The following PCDHGA1 variants were observed in gnomAD, a reference collection of about 807,000 sequenced individuals.
PCDHGA1 encodes the protein protocadherin gamma-A1.
In PCDHGA1, 32 loss-of-function variants were observed where a neutral mutation model predicts 58.0. The ratio of observed to expected loss-of-function variants is 0.55; its 90% confidence interval spans 0.42 to 0.74. PCDHGA1 has a LOEUF of 0.74. Among genes scored for constraint, PCDHGA1 ranks in the 30% least tolerant of loss-of-function variants. The pLI is 0.00. For synonymous variants in PCDHGA1, 498 were observed against 501.1 expected, an observed-to-expected ratio of 0.99 and a Z score of 0.08; for missense variants, 1,205 against 1,182.3, an observed-to-expected ratio of 1.02 and a Z score of -0.28.
rs117064561 is a variant in PCDHGA1, at chr5:141,470,737, G to T, written c.2422-24070G>T. Among the ~76,000 whole-genome samples the T allele has an allele frequency of 1.9e-3, 295 of 152,132 alleles. 7 individuals carry two copies. In the East Asian group the frequency reaches 0.046, roughly 24 times the overall value. On this transcript the variant is annotated intron_variant, in intron 1 of 3. Coordinates refer to ENST00000517417, the MANE Select transcript of PCDHGA1 (RefSeq NM_018912.3). ...TTTTGAGTCAGGGTCTTGCTCTGTC[G>T]CCCTGGCTGGAGTGCAGTGGACTCA...
chr5:141,477,678 C>A lies in PCDHGA1; in HGVS notation c.2422-17129C>A, dbSNP rs967769574. 1 of 1,614,182 alleles carries A rather than the reference C, an allele frequency of 6.2e-7. No individual in the cohort carries two copies. The highest frequency in any genetic ancestry group is 1.3e-5 in the African/African-American group (1 of 75,054). ...AATCGTGACAATGGCATAGTGTCAT[C>A]CTTAGTGCCCCTAGACTATGAGGAT... is the stretch of plus-strand genomic sequence containing the variant. On this transcript the variant is annotated intron_variant, in intron 1 of 3. Transcript: ENST00000517417. The surrounding 1 kb of genome is among the most constrained non-coding windows in gnomAD (Gnocchi z 4.9).
At chr5:141,373,933 A>G (rs1769964265) in intron 1 of PCDHGA1, 3 of 692,378 alleles carry the variant, frequency 4.3e-6, no homozygotes, top group South Asian at 3.7e-5. Context: ...ACGGGAAAGC[A>G]GGAAAGCTGT....
intron 1 of PCDHGA1, chr5:141,351,048 C>A: frequency 6.2e-7 from 1 of 1,614,036 alleles, no homozygotes; most frequent in Non-Finnish European, 8.5e-7. Flanking sequence ...CGGGTGATGG[C>A]CACAGACCAG....
At chr5:141,495,013 T>C (rs2099758300) in intron 2 of PCDHGA1, 148 bp downstream of exon 2, 12 of 1,511,014 alleles carry the variant, frequency 7.9e-6, no homozygotes, top group Non-Finnish European at 1.1e-5. Context: ...TGCGGGGGGC[T>C]GGCACACAGA....
chr5:141,340,062 C>A, intron 1 of PCDHGA1: 1 of 1,614,090 alleles, frequency 6.2e-7, no homozygotes, highest in Non-Finnish European at 8.5e-7. Context: ...CTTCCAGGAA[C>A]CATAATTGGG....
At position 141,432,032 on chromosome 5, in the gene PCDHGA1, A is replaced by G; in HGVS notation, c.2422-62775A>G. On this transcript the variant is annotated intron_variant, in intron 1 of 3. Coordinates refer to ENST00000517417, the MANE Select transcript of PCDHGA1 (RefSeq NM_018912.3). The surrounding 1 kb of genome is among the most constrained non-coding windows in gnomAD (Gnocchi z 6.0). ...TAGCTACAACATCACAGTGACCGCC[A>G]CTGACCGGGGAACCCCGCCCCTATC... 2 of 1,614,242 alleles carry G rather than the reference A, an allele frequency of 1.2e-6. No homozygotes were observed. Among genetic ancestry groups the G allele is most frequent in the South Asian group, 1.1e-5 (1 of 91,086 alleles).
intron 1 of PCDHGA1, chr5:141,351,193 T>C (rs1003354716): frequency 1.2e-6 from 2 of 1,614,034 alleles, no homozygotes; most frequent in South Asian, 1.1e-5. Flanking sequence ...CAAGTAGATA[T>C]GTGTTGAGTG....
At chr5:141,357,068 C>T in intron 1 of PCDHGA1, 3 of 1,613,990 alleles carry the variant, frequency 1.9e-6, no homozygotes, top group Non-Finnish European at 2.5e-6. Context: ...GGGCTGCACA[C>T]AGGCGAGGTG....
At chr5:141,384,573 C>A in intron 1 of PCDHGA1, 1 of 1,614,250 alleles carries the variant, frequency 6.2e-7, no homozygotes, top group Non-Finnish European at 8.5e-7. Context: ...AGAATGACAA[C>A]CCGCCCGAGA....
chr5:141,451,037 C>T (rs1293972996), intron 1 of PCDHGA1, among the ~76,000 whole-genome samples: 1 of 151,594 alleles, frequency 6.6e-6, no homozygotes, highest in Middle Eastern at 3.2e-3. Context: ...ACCATATTGG[C>T]CAGGCTGGTC....
intron 1 of PCDHGA1, chr5:141,383,667 A>G (rs1167694570): frequency 1.9e-6 from 3 of 1,614,020 alleles, no homozygotes; most frequent in Non-Finnish European, 2.5e-6. Context: ...AGAATGTGCC[A>G]GTGGGTACAA....
chr5:141,356,483 G>C (rs2149791327), intron 1 of PCDHGA1: 1 of 1,613,938 alleles, frequency 6.2e-7, no homozygotes, highest in South Asian at 1.1e-5. Context: ...ACTGACCAGG[G>C]AACTCCTCCA....
At chr5:141,390,867 CGTGTGTGTGT>C (rs61319619) in intron 1 of PCDHGA1, 1 of 151,040 alleles carries the variant, frequency 6.6e-6, no homozygotes, top group African/African-American at 2.5e-5. Context: ...GCTGTGTGTG[CGTGTGTGTGT>C]GTGTGTGTGT....
chr5:141,413,850 C>G (rs2095685833), intron 1 of PCDHGA1: 3 of 1,613,244 alleles, frequency 1.9e-6, no homozygotes, highest in East Asian at 2.2e-5. Context: ...GTGACCCTCT[C>G]CGATCTGGCA....
Position 141,431,755 on chromosome 5 carries a change from AGTCCT to A in PCDHGA1, c.2422-63050_2422-63046del. On this transcript the variant is annotated intron_variant, in intron 1 of 3. Coordinates refer to ENST00000517417, the MANE Select transcript of PCDHGA1 (RefSeq NM_018912.3). This position sits in a 1 kb window ranked among gnomAD's most constrained non-coding sequence, Gnocchi z 4.8. ...ATGCAGGATATTCTGCGCGAGCCAA[AGTCCT>A]GATCACTGTTCTGGACGTGAACGAC... 6.2e-7 allele frequency: 1 copy of A among 1,614,238 alleles called. No individual in the cohort carries two copies. Among genetic ancestry groups the A allele is most frequent in the Non-Finnish European group, 8.5e-7 (1 of 1,180,048 alleles).
chr5:141,400,867 C>A (rs1005203103), intron 1 of PCDHGA1, among the ~76,000 whole-genome samples: 37 of 152,162 alleles, frequency 2.4e-4, no homozygotes, highest in African/African-American at 8.9e-4. Context: ...TGTAGATAAA[C>A]CATTAAATTT....
chr5:141,350,368 A>T lies in PCDHGA1; in HGVS notation c.2421+17263A>T, dbSNP rs1237680615. On this transcript the variant is annotated intron_variant, in intron 1 of 3. Transcript: ENST00000517417. ...CCCAGCAGATCCGATACACGATTCC[A>T]GAGGAGCTAGCCAACGGCTCACGGG... is the stretch of plus-strand genomic sequence containing the variant. 6 of 1,581,266 alleles carry T rather than the reference A, an allele frequency of 3.8e-6. No individual in the cohort carries two copies. In the South Asian group the frequency reaches 7.0e-5, roughly 19 times the overall value.
chr5:141,350,785 C>T, intron 1 of PCDHGA1: 1 of 1,613,294 alleles, frequency 6.2e-7, no homozygotes, highest in Non-Finnish European at 8.5e-7. Flanking sequence ...ATCAATACTT[C>T]TCTCTGTCAA....
chr5:141,456,312 GCTC>G (rs2098849548), intron 1 of PCDHGA1, among the ~76,000 whole-genome samples: 1 of 152,126 alleles, frequency 6.6e-6, no homozygotes, highest in Admixed American at 6.6e-5. Context: ...AGCAGCTAGG[GCTC>G]CTCCTGGGGT....
Sources: gnomAD v4.1 joint callset for allele counts (sites outside exome capture counted in the v4.1 genomes callset) on GRCh38, gnomAD v4.1.1 for gene constraint, Gnocchi (gnomAD v3.1) non-coding constraint, MANE v1.5 for transcripts, NCBI Gene and HGNC (gene_info 2026-07-23, HGNC 2026-07-21) for gene names.